Variants in UBQLN2 observed in about 807,000 individuals in gnomAD.
UBQLN2 encodes the protein ubiquilin-2.
UBQLN2 carries 2 observed loss-of-function variants against 22.2 expected under a neutral mutation model. The observed-to-expected ratio is 0.09, with a 90% CI of 0.04 to 0.28. The LOEUF (loss-of-function observed/expected upper bound fraction) is 0.28. Ranked by LOEUF, UBQLN2 falls within the 10% of genes least tolerant of loss-of-function variation. The probability of loss-of-function intolerance (pLI) is 1.00; values close to 1 mark genes in which losing one functional copy is unlikely to be tolerated. For missense variants in UBQLN2, 446 were observed against 505.1 expected (o/e 0.88, Z 1.12); for synonymous variants, 252 against 206.7 (o/e 1.22, Z -1.88).
In UBQLN2 at chrX:56,566,202, T is replaced by G. The variant is rs922985642; in HGVS notation, c.*454T>G. On this transcript the variant is annotated 3_prime_UTR_variant, in exon 1 of 1. Coordinates refer to ENST00000338222, the MANE Select transcript of UBQLN2 (RefSeq NM_013444.4). ...TTATTTGCATTTTTAAACATTAGCC[T>G]ATGATAGTAATTTAATGTAGAATGA... 4.0e-5 allele frequency: 6 copies of G among 150,706 alleles called. No homozygotes were observed. The highest frequency in any genetic ancestry group is 8.5e-5 in the Non-Finnish European group (6 of 70,216). 12.4% of individuals were successfully genotyped at this position (150,706 alleles called of 1,213,427 possible). A position where few individuals can be genotyped will look rare whatever the true frequency, so the allele number is the denominator to read the frequency against.
Position 56,563,870 on chromosome X carries a change from C to T in UBQLN2, c.-4C>T, listed in dbSNP as rs755736386. On this transcript the variant is annotated 5_prime_UTR_variant, in exon 1 of 1. Transcript: ENST00000338222. ...CCCTGCCCGCCTGCGTCACCGCGGC[C>T]GCCATGGCTGAGAATGGCGAGAGCA... 110 of 1,145,538 alleles carry T rather than the reference C, an allele frequency of 9.6e-5. No individual in the cohort carries two copies. The highest frequency in any genetic ancestry group is 1.1e-4 in the Non-Finnish European group (98 of 864,584). The allele number at this position is 1,145,538 out of a possible 1,213,427, so 94.4% of individuals were successfully genotyped here. A position where few individuals can be genotyped will look rare whatever the true frequency, so the allele number is the denominator to read the frequency against.
chrX:56,565,457 C>G lies in UBQLN2; in HGVS notation c.1584C>G (p.Thr528=). 1.7e-6 allele frequency: 2 copies of G among 1,198,467 alleles called. No homozygotes were observed. Among genetic ancestry groups the G allele is most frequent in the South Asian group, 3.6e-5 (2 of 55,446 alleles). Residue 528 remains threonine (T), a synonymous_variant, in exon 1 of 1, where the codon ACC becomes ACG. Transcript: ENST00000338222. ...PTGPAAPPGS[T]GSGGPTGPTV... Reference sequence around the variant, plus strand: ...GCCCTGCAGCCCCCCCTGGCTCCACCGGCTCTGGTGGCCCCACGGGGCCTA... The same window carrying G: ...GCCCTGCAGCCCCCCCTGGCTCCACGGGCTCTGGTGGCCCCACGGGGCCTA...
At position 56,564,317 on chromosome X, in the gene UBQLN2, G is replaced by A; in HGVS notation, c.444G>A (p.Leu148=). 1 of 1,211,593 alleles carries A rather than the reference G, an allele frequency of 8.3e-7. No individual in the cohort carries two copies. The highest frequency in any genetic ancestry group is 1.1e-6 in the Non-Finnish European group (1 of 895,404). Residue 148 remains leucine, a synonymous_variant, in exon 1 of 1, where the codon CTG becomes CTA. Coordinates refer to ENST00000338222, the MANE Select transcript of UBQLN2 (RefSeq NM_013444.4). ...GCAACCCGTTTGGGTTGGGGAGCCT[G>A]GGAGGACTTGCAGGCCTTAGCAGCC... The part of the protein sequence containing the change: ...TNSNPFGLGS[L]GGLAGLSSLG...
chrX:56,565,491 A>G lies in UBQLN2; in HGVS notation c.1618A>G (p.Ser540Gly). ...TGGCCCCACGGGGCCTACTGTGTCC[A>G]GCGCTGCACCTAGTGAAACCACGAG... ...SGGPTGPTVS[S>G]AAPSETTSPT... The change falls in exon 1 of 1, where the codon AGC (serine) becomes GGC (glycine). Residue 540 changes from serine (S) to glycine (G), a missense_variant. Around this residue, in one of 3 missense-constraint regions of UBQLN2, gnomAD observed 278 missense variants for 279.4 expected, o/e 1.00. Coordinates refer to ENST00000338222, the MANE Select transcript of UBQLN2 (RefSeq NM_013444.4). 1 of 1,205,787 alleles carries G rather than the reference A, an allele frequency of 8.3e-7. No homozygotes were observed. Among genetic ancestry groups the G allele is most frequent in the Non-Finnish European group, 1.1e-6 (1 of 892,193 alleles).
Position 56,565,892 on chromosome X carries a change from A to G in UBQLN2, c.*144A>G. The G allele has an allele frequency of 1.6e-6, 1 of 616,831 alleles. No individual in the cohort carries two copies. Among genetic ancestry groups the G allele is most frequent in the Non-Finnish European group, 2.6e-6 (1 of 385,841 alleles). 50.8% of individuals were successfully genotyped at this position (616,831 alleles called of 1,213,427 possible). A position where few individuals can be genotyped will look rare whatever the true frequency, so the allele number is the denominator to read the frequency against. On this transcript the variant is annotated 3_prime_UTR_variant, in exon 1 of 1. Transcript: ENST00000338222. ...TTGTAAGTCTAATATGATGCATTTTAAGATGGAGTCCCTCCCTCCTACTTC... is the reference window on the plus strand; with the variant it reads ...TTGTAAGTCTAATATGATGCATTTTGAGATGGAGTCCCTCCCTCCTACTTC...
rs2065176574 is a variant in UBQLN2 at position 56,566,156 on chromosome X, G to A, written c.*408G>A. ...AACCTTCACAGTTGGGTGAACAAGT[G>A]TTGTCCTACAGATGTCCAATTTATT... On this transcript the variant is annotated 3_prime_UTR_variant, in exon 1 of 1. Coordinates refer to ENST00000338222, the MANE Select transcript of UBQLN2 (RefSeq NM_013444.4). 1 of 199,868 alleles carries A rather than the reference G, an allele frequency of 5.0e-6. No homozygotes were observed. Among genetic ancestry groups the A allele is most frequent in the African/African-American group, 3.0e-5 (1 of 33,767 alleles). The allele number at this position is 199,868 out of a possible 1,213,427, so 16.5% of individuals were successfully genotyped here.
Position 56,565,614 on chromosome X carries a change from A to G in UBQLN2, c.1741A>G (p.Arg581Gly). 2 of 1,212,340 alleles carry G rather than the reference A, an allele frequency of 1.6e-6. No homozygotes were observed. The highest frequency in any genetic ancestry group is 2.2e-6 in the Non-Finnish European group (2 of 895,631). ...NAPQLPNPEVRFQQQLEQLNA... is the reference protein window; with the variant it reads ...NAPQLPNPEVGFQQQLEQLNA... The stretch of plus-strand genomic sequence containing the variant: ...TCCACAGCTGCCGAATCCAGAAGTC[A>G]GATTTCAGCAACAACTGGAACAGCT... Residue 581 changes from arginine (R) to glycine (G), a missense_variant, in exon 1 of 1, where the codon AGA (arginine) becomes GGA (glycine). By Grantham distance (125) the Arg-to-Gly change is moderately radical. This residue lies in a region of UBQLN2 where 278 missense variants were observed against 279.4 expected (regional missense o/e 1.00). Coordinates refer to ENST00000338222, the MANE Select transcript of UBQLN2 (RefSeq NM_013444.4).
chrX:56,565,446 C>T lies in UBQLN2; in HGVS notation c.1573C>T (p.Pro525Ser), dbSNP rs369947678. Residue 525 changes from proline (P) to serine (S), a missense_variant, in exon 1 of 1, where the codon CCT (proline) becomes TCT (serine). This residue lies in a region of UBQLN2 where 278 missense variants were observed against 279.4 expected (regional missense o/e 1.00). Transcript: ENST00000338222. ...PIGPTGPAAP[P>S]GSTGSGGPTG... Reference sequence around the variant, plus strand: ...AGGACCCACTGGCCCTGCAGCCCCCCCTGGCTCCACCGGCTCTGGTGGCCC... The same window carrying T: ...AGGACCCACTGGCCCTGCAGCCCCCTCTGGCTCCACCGGCTCTGGTGGCCC... The T allele has an allele frequency of 1.2e-4, 149 of 1,194,329 alleles. No individual in the cohort carries two copies. The highest frequency in any genetic ancestry group is 1.1e-3 in the Middle Eastern group (5 of 4,358).
At position 56,566,032 on chromosome X, in the gene UBQLN2, G is replaced by A. The variant is rs964669364; in HGVS notation, c.*284G>A. The A allele has an allele frequency of 5.1e-6, 2 of 392,144 alleles. No individual in the cohort carries two copies. Among genetic ancestry groups the A allele is most frequent in the African/African-American group, 2.6e-5 (1 of 38,536 alleles). 32.3% of individuals were successfully genotyped at this position (392,144 alleles called of 1,213,427 possible). On this transcript the variant is annotated 3_prime_UTR_variant, in exon 1 of 1. Coordinates refer to ENST00000338222, the MANE Select transcript of UBQLN2 (RefSeq NM_013444.4). Reference sequence around the variant, plus strand: ...TTTCCTTTAGTTTCCTTCCTTAGCCGTTTTGAGTGGTGGGAATCAATGCTG... The same window carrying A: ...TTTCCTTTAGTTTCCTTCCTTAGCCATTTTGAGTGGTGGGAATCAATGCTG...
chrX:56,566,470 GGAGC>G lies in UBQLN2; in HGVS notation c.*723_*726del. ...GAGAAAGAATACAAGAAATGTTTCT[GGAGC>G]TAGTTATGTCTCACAATTTTGTAGA... On this transcript the variant is annotated 3_prime_UTR_variant, in exon 1 of 1. Coordinates refer to ENST00000338222, the MANE Select transcript of UBQLN2 (RefSeq NM_013444.4). 8.1e-6 allele frequency: 1 copy of G among 123,510 alleles called. No individual in the cohort carries two copies. Among genetic ancestry groups the G allele is most frequent in the South Asian group, 3.7e-4 (1 of 2,725 alleles). The allele number at this position is 123,510 out of a possible 1,213,427, so 10.2% of individuals were successfully genotyped here. A position where few individuals can be genotyped will look rare whatever the true frequency, so the allele number is the denominator to read the frequency against.
Position 56,566,248 on chromosome X carries a change from A to T in UBQLN2, c.*500A>T, listed in dbSNP as rs2068641866. The T allele has an allele frequency of 7.0e-6, 1 of 143,437 alleles. No homozygotes were observed. The highest frequency in any genetic ancestry group is 2.1e-4 in the South Asian group (1 of 4,746). The allele number at this position is 143,437 out of a possible 1,213,427, so 11.8% of individuals were successfully genotyped here. A position where few individuals can be genotyped will look rare whatever the true frequency, so the allele number is the denominator to read the frequency against. ...AATGAAGATATTAAAAACAGAAGCA[A>T]ATTATTTGAAGCTCTCTAATTTGTG... On this transcript the variant is annotated 3_prime_UTR_variant, in exon 1 of 1. Transcript: ENST00000338222.
rs2068639401 is a variant in UBQLN2, at chrX:56,565,747, A to G, written c.1874A>G (p.Ter625=). The change falls in exon 1 of 1, where the codon TAA becomes TGA. Residue 625 remains the stop codon, a stop_retained_variant. Transcript: ENST00000338222. The stretch of plus-strand genomic sequence containing the variant: ...AGGCTGCTGGGCTCCCAGCCATCGT[A>G]ATCACATTTCTGTACCTGGAAAAAA... ...IERLLGSQPS[*] 1 of 1,201,914 alleles carries G rather than the reference A, an allele frequency of 8.3e-7. No individual in the cohort carries two copies. The highest frequency in any genetic ancestry group is 2.2e-5 in the Admixed American group (1 of 44,814).
At position 56,567,087 on chromosome X, in the gene UBQLN2, C is replaced by T. The variant is rs1367604775; in HGVS notation, c.*1339C>T. Reference sequence around the variant, plus strand: ...AATGTTTTGTCCTGTCTGGAATTATCTTGATGTATGGATTTAGGTATTCTA... The same window carrying T: ...AATGTTTTGTCCTGTCTGGAATTATTTTGATGTATGGATTTAGGTATTCTA... On this transcript the variant is annotated 3_prime_UTR_variant, in exon 1 of 1. Transcript: ENST00000338222. 1 of 122,503 alleles carries T rather than the reference C, an allele frequency of 8.2e-6. No individual in the cohort carries two copies. The highest frequency in any genetic ancestry group is 3.3e-5 in the African/African-American group (1 of 30,517). 10.1% of individuals were successfully genotyped at this position (122,503 alleles called of 1,213,427 possible). A position where few individuals can be genotyped will look rare whatever the true frequency, so the allele number is the denominator to read the frequency against.
rs1388882458 is a variant in UBQLN2, at chrX:56,565,744, C to T, written c.1871C>T (p.Ser624Leu). 5.0e-6 allele frequency: 6 copies of T among 1,202,636 alleles called. No homozygotes were observed. The highest frequency in any genetic ancestry group is 6.7e-6 in the Non-Finnish European group (6 of 890,199). Residue 624 changes from serine to leucine, a missense_variant, in exon 1 of 1, where the codon TCG becomes TTG. Around this residue, in one of 3 missense-constraint regions of UBQLN2, gnomAD observed 278 missense variants for 279.4 expected, o/e 1.00. Coordinates refer to ENST00000338222, the MANE Select transcript of UBQLN2 (RefSeq NM_013444.4). ...AIERLLGSQP[S>L] ...GAAAGGCTGCTGGGCTCCCAGCCAT[C>T]GTAATCACATTTCTGTACCTGGAAA...
At position 56,565,811 on chromosome X, in the gene UBQLN2, AACAC is replaced by A. The variant is rs2068639803; in HGVS notation, c.*71_*74del. On this transcript the variant is annotated 3_prime_UTR_variant, in exon 1 of 1. Coordinates refer to ENST00000338222, the MANE Select transcript of UBQLN2 (RefSeq NM_013444.4). ...TTTGATAATGGCTCTTAAATCTTTA[AACAC>A]ACACACAAAATCGTTCTTTACTTTC... 7 of 1,009,179 alleles carry A rather than the reference AACAC, an allele frequency of 6.9e-6. No individual in the cohort carries two copies. In the South Asian group the frequency reaches 1.0e-4, roughly 15 times the overall value. The allele number at this position is 1,009,179 out of a possible 1,213,427, so 83.2% of individuals were successfully genotyped here.
At position 56,565,322 on chromosome X, in the gene UBQLN2, G is replaced by T; in HGVS notation, c.1449G>T (p.Gly483=). 2 of 1,210,869 alleles carry T rather than the reference G, an allele frequency of 1.7e-6. No homozygotes were observed. Among genetic ancestry groups the T allele is most frequent in the Non-Finnish European group, 1.1e-6 (1 of 894,892 alleles). Residue 483 remains glycine, a synonymous_variant, in exon 1 of 1, where the codon GGG becomes GGT. Coordinates refer to ENST00000338222, the MANE Select transcript of UBQLN2 (RefSeq NM_013444.4). ...IPSFTPGVGV[G]VLGTAIGPVG... is the part of the protein sequence containing the mutation. ...GCTTCACTCCAGGTGTGGGGGTGGG[G>T]GTGCTGGGAACCGCTATAGGCCCTG...
chrX:56,566,326 G>A lies in UBQLN2; in HGVS notation c.*578G>A, dbSNP rs2068642239. 7.3e-6 allele frequency: 1 copy of A among 137,592 alleles called. No individual in the cohort carries two copies. The highest frequency in any genetic ancestry group is 7.8e-5 in the Admixed American group (1 of 12,883). The allele number at this position is 137,592 out of a possible 1,213,427, so 11.3% of individuals were successfully genotyped here. A position where few individuals can be genotyped will look rare whatever the true frequency, so the allele number is the denominator to read the frequency against. On this transcript the variant is annotated 3_prime_UTR_variant, in exon 1 of 1. Transcript: ENST00000338222. Reference sequence around the variant, plus strand: ...CATGTATTTTTGCTAGCAAAATGCTGTAAGATTTATACCATTGATCTTTTT... The same window carrying A: ...CATGTATTTTTGCTAGCAAAATGCTATAAGATTTATACCATTGATCTTTTT...
chrX:56,565,344 C>T lies in UBQLN2; in HGVS notation c.1471C>T (p.Pro491Ser). The T allele has an allele frequency of 8.3e-7, 1 of 1,208,347 alleles. No homozygotes were observed. The highest frequency in any genetic ancestry group is 1.1e-6 in the Non-Finnish European group (1 of 893,590). ...GVGVLGTAIG[P>S]VGPVTPIGPI... ...GGGGGTGCTGGGAACCGCTATAGGCCCTGTAGGCCCAGTCACCCCCATAGG... is the reference window on the plus strand; with the variant it reads ...GGGGGTGCTGGGAACCGCTATAGGCTCTGTAGGCCCAGTCACCCCCATAGG... Residue 491 changes from proline (P) to serine (S), a missense_variant, in exon 1 of 1, where the codon CCT becomes TCT. By Grantham distance (74) the Pro-to-Ser change is moderately conservative. Transcript: ENST00000338222.
chrX:56,564,914 C>T lies in UBQLN2; in HGVS notation c.1041C>T (p.Ser347=). ...STGSGSGNSS[S]NATGNTVAAA... The stretch of plus-strand genomic sequence containing the variant: ...GTAGTGGGTCTGGCAATAGTTCCAG[C>T]AATGCTACTGGGAACACCGTTGCTG... Residue 347 remains serine (S), a synonymous_variant, in exon 1 of 1, where the codon AGC becomes AGT. Coordinates refer to ENST00000338222, the MANE Select transcript of UBQLN2 (RefSeq NM_013444.4). The T allele has an allele frequency of 8.3e-7, 1 of 1,210,906 alleles. No individual in the cohort carries two copies. The highest frequency in any genetic ancestry group is 1.1e-6 in the Non-Finnish European group (1 of 894,993).
Sources: allele counts gnomAD v4.1 joint callset, GRCh38; gene constraint gnomAD v4.1.1; regional missense constraint gnomAD v4.1.1; transcripts MANE v1.5; gene names NCBI Gene and HGNC (gene_info 2026-07-23, HGNC 2026-07-21).